GLI2: variants seen among roughly 807,000 people sequenced by gnomAD.
The protein encoded by GLI2 is transcription activator GLI2.
GLI2 carries 22 observed loss-of-function variants against 78.9 expected under a neutral mutation model. That is an observed-to-expected ratio of 0.28 (90% CI 0.20 to 0.40). The LOEUF (loss-of-function observed/expected upper bound fraction) is 0.40. GLI2 is among the 10% of genes least tolerant of loss of function. GLI2 has a pLI of 1.00. For missense variants in GLI2, 2,097 were observed against 2,213.2 expected (o/e 0.95, Z 1.05); for synonymous variants, 974 against 963.7 (o/e 1.01, Z -0.20).
At chr2:120,889,915 A>G (rs1558860622) in intron 2 of GLI2, among the ~76,000 whole-genome samples, 1 of 152,254 alleles carries the variant, frequency 6.6e-6, no homozygotes, top group Non-Finnish European at 1.5e-5. Context: ...AGCTTATTAT[A>G]AAGGTAAACA....
chr2:120,868,023 C>T (rs1203902969), intron 2 of GLI2, among the ~76,000 whole-genome samples: 1 of 152,180 alleles, frequency 6.6e-6, no homozygotes, highest in East Asian at 1.9e-4. Flanking sequence ...TTTCCTGCCC[C>T]CCCAGCCTCC....
intron 1 of GLI2, among the ~76,000 whole-genome samples, chr2:120,746,259 G>C (rs1448084112): frequency 2.0e-5 from 3 of 152,242 alleles, no homozygotes; most frequent in African/African-American, 7.2e-5. Flanking sequence ...CTGCCCTGGT[G>C]GTGGAAGTCC....
At chr2:120,821,670 G>A (rs4848637) in intron 2 of GLI2, among the ~76,000 whole-genome samples, 43,400 of 152,080 alleles carry the variant, frequency 0.29, 6,604 homozygotes, top group East Asian at 0.38. Context: ...ACAGAGGGGA[G>A]GTGCCTGTGC....
Position 120,984,771 on chromosome 2 carries a change from G to A in GLI2, c.1905+28G>A, listed in dbSNP as rs201244132. 133 of 1,609,184 alleles carry A rather than the reference G, an allele frequency of 8.3e-5. No homozygotes were observed. The African/African-American group carries it at 9.7e-4, about 12-fold the overall frequency. On this transcript the variant is annotated intron_variant, in intron 12 of 13. Transcript: ENST00000361492. The stretch of plus-strand genomic sequence containing the variant: ...AAGCGGAGCTGGGCAGCCCAGCCAC[G>A]CAAGGCGACTCCATAGCCGTGCCCA...
chr2:120,885,837 C>T (rs1018213589), intron 2 of GLI2, among the ~76,000 whole-genome samples: 2 of 152,258 alleles, frequency 1.3e-5, no homozygotes, highest in East Asian at 1.9e-4. Context: ...TGTGTGGGAG[C>T]GGGGCCTCAC....
intron 2 of GLI2, among the ~76,000 whole-genome samples, chr2:120,859,725 G>A (rs1365608326): frequency 1.3e-5 from 2 of 151,596 alleles, no homozygotes; most frequent in East Asian, 3.9e-4. Flanking sequence ...AAAGTTTGGG[G>A]ATTACAGGCG....
At chr2:120,979,055 G>A (rs1682596133) in intron 10 of GLI2, among the ~76,000 whole-genome samples, 1 of 152,190 alleles carries the variant, frequency 6.6e-6, no homozygotes, top group Non-Finnish European at 1.5e-5. Flanking sequence ...GCAGCTCATT[G>A]CAGCCTCCAC....
At chr2:120,957,747 G>A (rs868065000) in intron 5 of GLI2, among the ~76,000 whole-genome samples, 10 of 152,384 alleles carry the variant, frequency 6.6e-5, no homozygotes, top group South Asian at 2.1e-4. Context: ...ACGTGCACAC[G>A]TGAGAGACAG....
At chr2:120,901,252 C>A (rs72835602) in intron 2 of GLI2, among the ~76,000 whole-genome samples, 2 of 152,172 alleles carry the variant, frequency 1.3e-5, no homozygotes, top group African/African-American at 2.4e-5. Flanking sequence ...GGAAGCAGAG[C>A]TGGTCCTAAG....
chr2:120,771,994 G>A (rs1683535433), intron 1 of GLI2, among the ~76,000 whole-genome samples: 1 of 152,168 alleles, frequency 6.6e-6, no homozygotes, highest in South Asian at 2.1e-4. Flanking sequence ...AGTGACCCCT[G>A]TCAAATGCTA....
At chr2:120,811,356 G>A (rs12616192) in intron 2 of GLI2, among the ~76,000 whole-genome samples, 27,402 of 152,144 alleles carry the variant, frequency 0.18, 3,836 homozygotes, top group African/African-American at 0.39. Flanking sequence ...CAGGGGTGCT[G>A]TCCCCCTCCC....
chr2:120,788,571 C>T (rs1684060237), intron 1 of GLI2, among the ~76,000 whole-genome samples: 1 of 152,228 alleles, frequency 6.6e-6, no homozygotes, highest in African/African-American at 2.4e-5. Flanking sequence ...GGCTGGCTGC[C>T]CCTGGAGGGG....
At chr2:120,783,784 A>G (rs1281355435) in intron 1 of GLI2, among the ~76,000 whole-genome samples, 1 of 152,148 alleles carries the variant, frequency 6.6e-6, no homozygotes, top group African/African-American at 2.4e-5. Flanking sequence ...AGAGAAGGGA[A>G]CTTTTTATAT....
chr2:120,890,246 T>C (rs1438281163), intron 2 of GLI2, among the ~76,000 whole-genome samples: 2 of 152,164 alleles, frequency 1.3e-5, no homozygotes, highest in Admixed American at 1.3e-4. Flanking sequence ...TTATGTAACA[T>C]GTTTGATGTG....
chr2:120,893,657 GA>G (rs554892325), intron 2 of GLI2, among the ~76,000 whole-genome samples: 6,572 of 129,638 alleles, frequency 0.051, 509 homozygotes, highest in African/African-American at 0.17. Flanking sequence ...AAAGAAGAAA[GA>G]AAAAAAAAAA....
intron 5 of GLI2, among the ~76,000 whole-genome samples, chr2:120,958,373 T>C (rs918614486): frequency 6.6e-6 from 1 of 152,160 alleles, no homozygotes; most frequent in African/African-American, 2.4e-5. Flanking sequence ...TCTGTCCACC[T>C]GCTGCCTAAG....
chr2:120,873,852 C>T (rs1439694021), intron 2 of GLI2, among the ~76,000 whole-genome samples: 4 of 152,148 alleles, frequency 2.6e-5, no homozygotes, highest in Non-Finnish European at 5.9e-5. Flanking sequence ...TTGCAGAGTT[C>T]GTAACGACAG....
chr2:120,769,182 G>A (rs113997072), intron 1 of GLI2, among the ~76,000 whole-genome samples: 1,948 of 152,298 alleles, frequency 0.013, 40 homozygotes, highest in African/African-American at 0.045. Context: ...GCCCAGCCTG[G>A]TGGTCTGGCA....
chr2:120,809,511 T>C (rs1685129050), intron 2 of GLI2, among the ~76,000 whole-genome samples: 1 of 152,018 alleles, frequency 6.6e-6, no homozygotes, highest in Non-Finnish European at 1.5e-5. Context: ...GTGCATTTTA[T>C]GGTATGTGAA....
Sources: allele counts gnomAD v4.1 joint callset (sites outside exome capture counted in the v4.1 genomes callset), GRCh38; gene constraint gnomAD v4.1.1; transcripts MANE v1.5; gene names NCBI Gene and HGNC (gene_info 2026-07-23, HGNC 2026-07-21).